The following ARHGAP18 variants were observed in gnomAD, a reference collection of about 807,000 sequenced individuals.
The protein encoded by ARHGAP18 is Rho GTPase activating protein 18, also known as rho GTPase-activating protein 18.
ARHGAP18 carries 67 observed loss-of-function variants against 86.2 expected under a neutral mutation model. The observed-to-expected ratio is 0.78, with a 90% CI of 0.64 to 0.95. The LOEUF (loss-of-function observed/expected upper bound fraction) is 0.95. ARHGAP18 is among the 40% of genes least tolerant of loss of function. The probability of loss-of-function intolerance (pLI) is 0.00; values close to 1 mark genes in which losing one functional copy is unlikely to be tolerated. For synonymous variants in ARHGAP18, 283 were observed against 280.4 expected, an observed-to-expected ratio of 1.01 and a Z score of -0.09; for missense variants, 691 against 780.4, an observed-to-expected ratio of 0.89 and a Z score of 1.37.
chr6:129,661,840 C>T (rs1773958898), intron 1 of ARHGAP18: 1 of 984,730 alleles, frequency 1.0e-6, no homozygotes, highest in African/African-American at 1.7e-5. Flanking sequence ...ATCCCACCAG[C>T]TCACCCAGCG....
chr6:129,595,995 T>TG (rs1029781024), intron 12 of ARHGAP18, among the ~76,000 whole-genome samples: 7 of 152,168 alleles, frequency 4.6e-5, no homozygotes, highest in Non-Finnish European at 8.8e-5. Flanking sequence ...GCTGATACCC[T>TG]GGTCTGAACC....
At chr6:129,640,190 T>C (rs1773425932) in intron 2 of ARHGAP18, among the ~76,000 whole-genome samples, 1 of 152,074 alleles carries the variant, frequency 6.6e-6, no homozygotes, top group Non-Finnish European at 1.5e-5. Flanking sequence ...AAGATTACTA[T>C]GTAGAGTCAT....
chr6:129,593,623 C>T (rs1320659540), intron 12 of ARHGAP18, among the ~76,000 whole-genome samples: 8 of 152,138 alleles, frequency 5.3e-5, no homozygotes, highest in African/African-American at 1.9e-4. Flanking sequence ...AGAGCTGGGG[C>T]TATATCCTCA....
At chr6:129,690,124 CGT>C (rs142057840) in intron 1 of ARHGAP18, among the ~76,000 whole-genome samples, 41 of 149,948 alleles carry the variant, frequency 2.7e-4, no homozygotes, top group South Asian at 1.0e-3. Flanking sequence ...CCCATGTAAA[CGT>C]GTGTGTGTGT....
At chr6:129,583,170 C>G (rs17754247) in intron 13 of ARHGAP18, among the ~76,000 whole-genome samples, 13,888 of 152,200 alleles carry the variant, frequency 0.091, 868 homozygotes, top group Middle Eastern at 0.17. Flanking sequence ...TATTCGTAAA[C>G]TGAGATGCCA....
chr6:129,710,065 G>T lies in ARHGAP18; in HGVS notation c.72C>A (p.Val24=). Reference sequence around the variant, plus strand: ...CCCCTGCCTTTGCATGGCTGTTCCCGACGGTCTGGTCCTTGCCGCTGGGGT... The same window carrying T: ...CCCCTGCCTTTGCATGGCTGTTCCCTACGGTCTGGTCCTTGCCGCTGGGGT... The part of the protein sequence containing the change: ...AYHPSGKDQT[V]GNSHAKAGEE... The change falls in exon 1 of 15, where the codon GTC becomes GTA. Residue 24 remains valine, a synonymous_variant. Transcript: ENST00000368149. The T allele has an allele frequency of 6.2e-7, 1 of 1,614,118 alleles. No individual in the cohort carries two copies. Among genetic ancestry groups the T allele is most frequent in the Non-Finnish European group, 8.5e-7 (1 of 1,179,952 alleles).
At chr6:129,686,262 A>C (rs1774422618) in intron 1 of ARHGAP18, among the ~76,000 whole-genome samples, 1 of 152,006 alleles carries the variant, frequency 6.6e-6, no homozygotes, top group Non-Finnish European at 1.5e-5. Flanking sequence ...CCCTCCTACC[A>C]TGGCTGCCCT....
At position 129,701,146 on chromosome 6, in the gene ARHGAP18, T is replaced by G. The variant is rs377533569; in HGVS notation, c.113+8878A>C. Among the ~76,000 whole-genome samples the G allele has an allele frequency of 8.4e-4, 128 of 152,330 alleles. 1 individual carries two copies. The South Asian group carries it at 0.025, about 30-fold the overall frequency. Reference sequence around the variant, plus strand: ...ATGAAGTGAAATGTCTGGGGAAATTTTAAGATACTGTACAGAAAAGGATTT... The same window carrying G: ...ATGAAGTGAAATGTCTGGGGAAATTGTAAGATACTGTACAGAAAAGGATTT... On this transcript the variant is annotated intron_variant, in intron 1 of 14. Coordinates refer to ENST00000368149, the MANE Select transcript of ARHGAP18 (RefSeq NM_033515.3).
At chr6:129,621,762 G>GATA (rs971189577) in intron 5 of ARHGAP18, among the ~76,000 whole-genome samples, 1 of 151,928 alleles carries the variant, frequency 6.6e-6, no homozygotes, top group African/African-American at 2.4e-5. Flanking sequence ...AGAAAAAAAT[G>GATA]ATAATAATAA....
In ARHGAP18 at chr6:129,607,879, G is replaced by C; in HGVS notation, c.1282+14C>G. 1 of 1,575,576 alleles carries C rather than the reference G, an allele frequency of 6.3e-7. No homozygotes were observed. The highest frequency in any genetic ancestry group is 8.6e-7 in the Non-Finnish European group (1 of 1,166,184). On this transcript the variant is annotated intron_variant, in intron 9 of 14. Coordinates refer to ENST00000368149, the MANE Select transcript of ARHGAP18 (RefSeq NM_033515.3). ...ACCAGCAGAAGGACTGCTTCAAAGA[G>C]GGATAGCACTTACTCTGGACAGCCT...
intron 1 of ARHGAP18, among the ~76,000 whole-genome samples, chr6:129,659,673 T>C (rs984503004): frequency 1.3e-5 from 2 of 152,140 alleles, no homozygotes; most frequent in African/African-American, 4.8e-5. Context: ...GGTTTCGGCA[T>C]GTCGGCCAGG....
intron 1 of ARHGAP18, among the ~76,000 whole-genome samples, chr6:129,642,680 TTA>T (rs1190080499): frequency 6.6e-6 from 1 of 152,214 alleles, no homozygotes; most frequent in African/African-American, 2.4e-5. Context: ...GGAATGAATT[TTA>T]TATAATTCTT....
At chr6:129,694,097 T>C (rs1774572607) in intron 1 of ARHGAP18, among the ~76,000 whole-genome samples, 1 of 152,192 alleles carries the variant, frequency 6.6e-6, no homozygotes, top group Non-Finnish European at 1.5e-5. Context: ...CTGGCATAAC[T>C]TTCTCCAAAT....
intron 9 of ARHGAP18, 51 bp from the exon 10 acceptor site, chr6:129,606,010 C>T (rs1305165393): frequency 1.8e-5 from 28 of 1,547,708 alleles, no homozygotes; most frequent in Non-Finnish European, 2.2e-5. Context: ...GAACATTTTC[C>T]TTTACTTTAT....
At chr6:129,688,792 CA>C (rs35352296) in intron 1 of ARHGAP18, among the ~76,000 whole-genome samples, 90 of 145,852 alleles carry the variant, frequency 6.2e-4, no homozygotes, top group Non-Finnish European at 4.2e-4. Flanking sequence ...AACTCCAAGT[CA>C]AAAAAAAAAA....
chr6:129,591,786 T>C (rs985120508), intron 12 of ARHGAP18, among the ~76,000 whole-genome samples: 3 of 152,170 alleles, frequency 2.0e-5, no homozygotes. Context: ...AAGGGCAAAT[T>C]GGAAATACAG....
intron 8 of ARHGAP18, among the ~76,000 whole-genome samples, chr6:129,609,275 TTTATAATG>T (rs1208106305): frequency 9.2e-5 from 14 of 152,170 alleles, no homozygotes; most frequent in Non-Finnish European, 1.6e-4. Flanking sequence ...TTTTAAATTA[TTTATAATG>T]GACCAGCTGC....
At chr6:129,585,996 T>A (rs1013557877) in intron 12 of ARHGAP18, among the ~76,000 whole-genome samples, 6 of 152,330 alleles carry the variant, frequency 3.9e-5, no homozygotes, top group African/African-American at 1.4e-4. Flanking sequence ...TGTCCTTGAT[T>A]CTGTGACAGG....
At chr6:129,698,078 C>A (rs1158124467) in intron 1 of ARHGAP18, among the ~76,000 whole-genome samples, 1 of 152,128 alleles carries the variant, frequency 6.6e-6, no homozygotes, top group African/African-American at 2.4e-5. Context: ...AAGTTTTATT[C>A]CTCAAAAGAA....
Sources: gnomAD v4.1 joint callset for allele counts (sites outside exome capture counted in the v4.1 genomes callset) on GRCh38, gnomAD v4.1.1 for gene constraint, MANE v1.5 for transcripts, NCBI Gene and HGNC (gene_info 2026-07-23, HGNC 2026-07-21) for gene names.